The following WIPI1 variants were observed in gnomAD, a reference collection of about 807,000 sequenced individuals.
WIPI1 encodes WD repeat domain, phosphoinositide interacting 1.
WIPI1 carries 45 observed loss-of-function variants against 55.3 expected under a neutral mutation model. The ratio of observed to expected loss-of-function variants is 0.81; its 90% CI spans 0.64 to 1.04. The LOEUF (loss-of-function observed/expected upper bound fraction) is 1.04, where lower values mean the gene tolerates loss of function less well. WIPI1 is among the 50% of genes least tolerant of loss of function. WIPI1 has a pLI of 0.00. For missense variants in WIPI1, 445 were observed against 559.0 expected, an observed-to-expected ratio of 0.80 and a Z score of 2.06; for synonymous variants, 195 against 217.6, an observed-to-expected ratio of 0.90 and a Z score of 0.92.
chr17:68,426,238 C>CGGGAGGGGGGGGGG, intron 11 of WIPI1, 63 bp from the exon 12 acceptor site: 1 of 615,200 alleles, frequency 1.6e-6, no homozygotes, highest in Non-Finnish European at 2.3e-6. Flanking sequence ...CATGACCTGG[C>CGGGAGGGGGGGGGG]GGGTGGGGAG....
chr17:68,447,984 C>CAAAAA (rs5821653), intron 3 of WIPI1, among the ~76,000 whole-genome samples: 1 of 80,240 alleles, frequency 1.2e-5, no homozygotes, highest in Non-Finnish European at 2.5e-5. Flanking sequence ...GACTCTATCT[C>CAAAAA]AAAAAAAAAA....
chr17:68,453,087 T>C, intron 1 of WIPI1, 95 bp from the exon 2 acceptor site: 1 of 951,064 alleles, frequency 1.1e-6, no homozygotes, highest in Non-Finnish European at 1.7e-6. Context: ...GCCTCAGGGG[T>C]ACAGTAAACA....
At chr17:68,456,585 A>G (rs978424363) in intron 1 of WIPI1, among the ~76,000 whole-genome samples, 1 of 152,050 alleles carries the variant, frequency 6.6e-6, no homozygotes, top group Non-Finnish European at 1.5e-5. Flanking sequence ...TCAAAGCCCA[A>G]ATGTGAACAT....
intron 12 of WIPI1, among the ~76,000 whole-genome samples, chr17:68,424,803 G>A (rs988201893): frequency 2.0e-5 from 3 of 151,274 alleles, no homozygotes; most frequent in Non-Finnish European, 4.4e-5. Flanking sequence ...CTTGAACCCA[G>A]GAGGCAGAGG....
Position 68,433,386 on chromosome 17 carries a change from AAG to A in WIPI1, c.800+80_800+81del, listed in dbSNP as rs2083611562. Reference sequence around the variant, plus strand: ...GCCAAGATTGGGTGTTCAGAAAGAAAAGAGATCATTCATGCCAGTAGAAGAGC... The same window carrying A: ...GCCAAGATTGGGTGTTCAGAAAGAAAAGATCATTCATGCCAGTAGAAGAGC... On this transcript the variant is annotated intron_variant, in intron 8 of 12. Coordinates refer to ENST00000262139, the MANE Select transcript of WIPI1 (RefSeq NM_017983.7). 4 of 1,262,716 alleles carry A rather than the reference AAG, an allele frequency of 3.2e-6. No individual in the cohort carries two copies. In the South Asian group the frequency reaches 4.8e-5, roughly 15 times the overall value. 78.2% of individuals were successfully genotyped at this position (1,262,716 alleles called of 1,614,324 possible).
chr17:68,433,778 TTTTTTTTTTTTTTTTTTTTTG>T, intron 7 of WIPI1, among the ~76,000 whole-genome samples: 1 of 65,752 alleles, frequency 1.5e-5, no homozygotes, highest in African/African-American at 4.7e-5. Flanking sequence ...TTTTTTTTTT[TTTTTTTTTTTTTTTTTTTTTG>T]AGACAGAGTC....
rs1025828662 is a variant in WIPI1, at chr17:68,421,309, C to T, written c.*464G>A. On this transcript the variant is annotated 3_prime_UTR_variant, in exon 13 of 13. Coordinates refer to ENST00000262139, the MANE Select transcript of WIPI1 (RefSeq NM_017983.7). ...ATTGCCATGATTTTATTATTAGTGTCCAAAATGGGACTCCCAAGTAATAAA... is the reference window on the plus strand; with the variant it reads ...ATTGCCATGATTTTATTATTAGTGTTCAAAATGGGACTCCCAAGTAATAAA... The T allele has an allele frequency of 1.9e-5, 3 of 159,038 alleles. No individual in the cohort carries two copies. The highest frequency in any genetic ancestry group is 7.2e-5 in the African/African-American group (3 of 41,568). The allele number at this position is 159,038 out of a possible 1,614,324, so 9.9% of individuals were successfully genotyped here. A position where few individuals can be genotyped will look rare whatever the true frequency, so the allele number is the denominator to read the frequency against.
At position 68,439,612 on chromosome 17, in the gene WIPI1, A is replaced by G. The variant is rs73359916; in HGVS notation, c.431-3133T>C. On this transcript the variant is annotated intron_variant, in intron 4 of 12. Coordinates refer to ENST00000262139, the MANE Select transcript of WIPI1 (RefSeq NM_017983.7). ...TGAACCATGCATTTTAAACGGGTGA[A>G]TTGTATAGGATGTGAATTTTATCTC... Among the ~76,000 whole-genome samples, 563 of 152,304 alleles carry G rather than the reference A, an allele frequency of 3.7e-3. 6 individuals carry two copies. The highest frequency in any genetic ancestry group is 0.013 in the African/African-American group (549 of 41,562).
At chr17:68,439,280 A>G (rs1422217619) in intron 4 of WIPI1, among the ~76,000 whole-genome samples, 2 of 152,242 alleles carry the variant, frequency 1.3e-5, no homozygotes, top group African/African-American at 4.8e-5. Flanking sequence ...TATTTTTATA[A>G]TAGAATATTA....
rs78191101 is a variant in WIPI1 at position 68,451,039 on chromosome 17, A to G, written c.164-142T>C. The G allele has an allele frequency of 3.0e-3, 3,572 of 1,193,240 alleles. 86 individuals are homozygous for G. The East Asian group carries it at 0.06, about 20-fold the overall frequency. The allele number at this position is 1,193,240 out of a possible 1,614,324, so 73.9% of individuals were successfully genotyped here. On this transcript the variant is annotated intron_variant, in intron 2 of 12. Transcript: ENST00000262139. ...GGCCAGGCGCCCTCTCTGAGCTTGCATTGACAGTGATCCACCATGCCCCCC... is the reference window on the plus strand; with the variant it reads ...GGCCAGGCGCCCTCTCTGAGCTTGCGTTGACAGTGATCCACCATGCCCCCC...
In WIPI1 at chr17:68,436,396, C is replaced by G; in HGVS notation, c.514G>C (p.Asp172His). 6.2e-7 allele frequency: 1 copy of G among 1,613,896 alleles called. No individual in the cohort carries two copies. Among genetic ancestry groups the G allele is most frequent in the Non-Finnish European group, 8.5e-7 (1 of 1,179,824 alleles). ...CGTCAACTTACCAGGGAGTTTCCATCATAAAGCACAATCTCCCCTGAAGTC... is the reference window on the plus strand; with the variant it reads ...CGTCAACTTACCAGGGAGTTTCCATGATAAAGCACAATCTCCCCTGAAGTC... ...SLTSGEIVLYDGNSLKTVCTI... is the reference protein window; with the variant it reads ...SLTSGEIVLYHGNSLKTVCTI... The change falls in exon 5 of 13, where the codon GAT (aspartate) becomes CAT (histidine). Residue 172 changes from aspartate (D) to histidine (H), a missense_variant. Asp to His is a moderately conservative substitution (Grantham distance 81, BLOSUM62 -1). Transcript: ENST00000262139.
At chr17:68,441,926 A>T (rs1473029619) in intron 4 of WIPI1, among the ~76,000 whole-genome samples, 2 of 152,174 alleles carry the variant, frequency 1.3e-5, no homozygotes, top group African/African-American at 4.8e-5. Context: ...TACTCAACCT[A>T]TCCCTGGATC....
chr17:68,447,440 A>G lies in WIPI1; in HGVS notation c.334-2851T>C, dbSNP rs1373070556. Among the ~76,000 whole-genome samples the G allele has an allele frequency of 2.0e-5, 3 of 152,310 alleles. No individual in the cohort carries two copies. The East Asian group carries it at 5.8e-4, about 29-fold the overall frequency. Reference sequence around the variant, plus strand: ...TGTGTCACCTAGGCTGGAATGCAGCAGCGTGATCATAGCTCACTGCAGCCT... The same window carrying G: ...TGTGTCACCTAGGCTGGAATGCAGCGGCGTGATCATAGCTCACTGCAGCCT... On this transcript the variant is annotated intron_variant, in intron 3 of 12. Transcript: ENST00000262139.
intron 5 of WIPI1, among the ~76,000 whole-genome samples, chr17:68,435,974 C>T (rs756950451): frequency 2.0e-5 from 3 of 152,244 alleles, no homozygotes; most frequent in Non-Finnish European, 2.9e-5. Flanking sequence ...AGTGTGATGC[C>T]GTCGCAGGCG....
chr17:68,433,760 G>GTTGTT (rs2083630723), intron 7 of WIPI1, among the ~76,000 whole-genome samples, 185 bp from the exon 8 acceptor site: 3 of 72,822 alleles, frequency 4.1e-5, no homozygotes, highest in South Asian at 1.1e-3. Context: ...AAGGGTCATA[G>GTTGTT]TTTTTTTTTT....
At chr17:68,447,984 C>CAA (rs5821653) in intron 3 of WIPI1, among the ~76,000 whole-genome samples, 7 of 80,208 alleles carry the variant, frequency 8.7e-5, no homozygotes, top group Admixed American at 1.4e-4. Context: ...GACTCTATCT[C>CAA]AAAAAAAAAA....
At chr17:68,425,859 A>G in intron 12 of WIPI1, 1 of 519,114 alleles carries the variant, frequency 1.9e-6, no homozygotes, top group Non-Finnish European at 3.4e-6. Context: ...CGGTGACTCT[A>G]ATGCCATCAG....
At chr17:68,441,257 A>T (rs542643634) in intron 4 of WIPI1, among the ~76,000 whole-genome samples, 1 of 152,358 alleles carries the variant, frequency 6.6e-6, no homozygotes, top group East Asian at 1.9e-4. Flanking sequence ...TCTCTGACAC[A>T]ACAGGAACGG....
At chr17:68,426,254 G>GGGGGGGT in intron 11 of WIPI1, 79 bp from the exon 12 acceptor site, 2 of 816,914 alleles carry the variant, frequency 2.4e-6, no homozygotes, top group Non-Finnish European at 3.9e-6. Flanking sequence ...GGGAGCGGGG[G>GGGGGGGT]CTCAAATAAA....
Sources: allele counts gnomAD v4.1 joint callset (sites outside exome capture counted in the v4.1 genomes callset), GRCh38; gene constraint gnomAD v4.1.1; transcripts MANE v1.5; gene names NCBI Gene and HGNC (gene_info 2026-07-23, HGNC 2026-07-21).